OPCML: variants seen among roughly 807,000 people sequenced by gnomAD.
OPCML encodes the protein opioid-binding protein/cell adhesion molecule.
In OPCML, 13 loss-of-function variants were observed where a neutral mutation model predicts 37.8. The ratio of observed to expected loss-of-function variants is 0.34; its 90% CI spans 0.22 to 0.55. The LOEUF (loss-of-function observed/expected upper bound fraction) is 0.55. OPCML is among the 20% of genes least tolerant of loss of function. OPCML has a pLI of 0.91. For synonymous variants in OPCML, 176 were observed against 168.8 expected, an observed-to-expected ratio of 1.04 and a Z score of -0.33; for missense variants, 341 against 435.6, an observed-to-expected ratio of 0.78 and a Z score of 1.93.
At chr11:133,295,643 T>A (rs1433336945) in intron 1 of OPCML, among the ~76,000 whole-genome samples, 1 of 152,226 alleles carries the variant, frequency 6.6e-6, no homozygotes, top group Non-Finnish European at 1.5e-5. Flanking sequence ...GAATGGCCGC[T>A]CCCTAGACAG....
At chr11:132,423,893 G>A (rs1311591003) in intron 7 of OPCML, among the ~76,000 whole-genome samples, 1 of 152,144 alleles carries the variant, frequency 6.6e-6, no homozygotes, top group African/African-American at 2.4e-5. Context: ...AGCAGTGGTA[G>A]CACTGAAGCT....
At chr11:132,870,549 G>C (rs1942755914) in intron 2 of OPCML, among the ~76,000 whole-genome samples, 1 of 152,022 alleles carries the variant, frequency 6.6e-6, no homozygotes, top group Admixed American at 6.6e-5. Context: ...CCCATTTCTG[G>C]GTATATGTCC....
At chr11:132,988,643 T>C (rs1946722114) in intron 1 of OPCML, among the ~76,000 whole-genome samples, 1 of 152,180 alleles carries the variant, frequency 6.6e-6, no homozygotes, top group Non-Finnish European at 1.5e-5. Flanking sequence ...CAGCCTTCTC[T>C]CTAGTTCTGA....
intron 1 of OPCML, among the ~76,000 whole-genome samples, chr11:133,358,676 A>C (rs1053446860): frequency 6.6e-6 from 1 of 152,182 alleles, no homozygotes; most frequent in African/African-American, 2.4e-5. Context: ...CAAATTGGGC[A>C]GTGCTAGGGC....
chr11:133,205,329 T>C lies in OPCML; in HGVS notation c.62-262319A>G, dbSNP rs190601296. Among the ~76,000 whole-genome samples the C allele has an allele frequency of 2.6e-5, 4 of 152,244 alleles. No individual in the cohort carries two copies. The highest frequency in any genetic ancestry group is 7.2e-5 in the African/African-American group (3 of 41,544). On this transcript the variant is annotated intron_variant, in intron 1 of 7. Transcript: ENST00000524381. This position sits in a 1 kb window ranked among gnomAD's most constrained non-coding sequence, Gnocchi z 4.8. ...TCCCCGCTGCCTTGCCCCACACACCTCTTCCAGCCGGCTGCTCCCCTGTAT... is the reference window on the plus strand; with the variant it reads ...TCCCCGCTGCCTTGCCCCACACACCCCTTCCAGCCGGCTGCTCCCCTGTAT...
intron 3 of OPCML, among the ~76,000 whole-genome samples, chr11:132,553,939 C>T (rs775638247): frequency 2.0e-5 from 3 of 152,128 alleles, no homozygotes; most frequent in Non-Finnish European, 4.4e-5. Context: ...GCCAAAGCCT[C>T]CTTCCCTTCT....
intron 1 of OPCML, among the ~76,000 whole-genome samples, chr11:133,120,134 T>C (rs191198718): frequency 1.5e-3 from 234 of 152,312 alleles, no homozygotes; most frequent in African/African-American, 5.5e-3. Flanking sequence ...TCTCAGCCTC[T>C]GGGTCCCCAG....
intron 1 of OPCML, among the ~76,000 whole-genome samples, chr11:133,489,858 T>A (rs1591557430): frequency 6.9e-6 from 1 of 145,284 alleles, no homozygotes; most frequent in African/African-American, 2.7e-5. Flanking sequence ...ATATATTTTT[T>A]TATACATGCA....
intron 1 of OPCML, among the ~76,000 whole-genome samples, chr11:133,052,669 T>C (rs1030640312): frequency 5.9e-5 from 9 of 152,150 alleles, no homozygotes; most frequent in Admixed American, 5.2e-4. Flanking sequence ...ACACTGTGTG[T>C]CCTTGGGGAT....
chr11:133,204,834 G>A (rs966448210), intron 1 of OPCML, among the ~76,000 whole-genome samples: 1 of 133,692 alleles, frequency 7.5e-6, no homozygotes, highest in African/African-American at 2.7e-5. Context: ...ATTACTTTTT[G>A]TATTATTGTG....
chr11:132,802,694 G>T (rs1938738765), intron 2 of OPCML, among the ~76,000 whole-genome samples: 1 of 152,090 alleles, frequency 6.6e-6, no homozygotes, highest in Admixed American at 6.6e-5. Flanking sequence ...TTCAGTGAAG[G>T]GTCTATGTTC....
intron 1 of OPCML, among the ~76,000 whole-genome samples, chr11:133,199,189 C>T (rs1174526015): frequency 6.6e-6 from 1 of 152,082 alleles, no homozygotes; most frequent in African/African-American, 2.4e-5. Flanking sequence ...TCAGAACCAC[C>T]TATGCAGGAG....
chr11:132,774,154 A>G (rs137967122), intron 2 of OPCML, among the ~76,000 whole-genome samples: 1 of 152,254 alleles, frequency 6.6e-6, no homozygotes, highest in South Asian at 2.1e-4. Context: ...GTTAAGCTTC[A>G]TTGGGGTCCA....
chr11:133,238,415 T>C lies in OPCML; in HGVS notation c.61+293849A>G, dbSNP rs150566607. On this transcript the variant is annotated intron_variant, in intron 1 of 7. Transcript: ENST00000524381. ...CTGATAAATTTATGTTGATTACTTGTTATTACAATTATAATGTCTCAGCTC... is the reference window on the plus strand; with the variant it reads ...CTGATAAATTTATGTTGATTACTTGCTATTACAATTATAATGTCTCAGCTC... Among the ~76,000 whole-genome samples the C allele has an allele frequency of 2.1e-3, 313 of 152,374 alleles. 1 individual carries two copies. Among genetic ancestry groups the C allele is most frequent in the African/African-American group, 7.0e-3 (292 of 41,592 alleles).
intron 1 of OPCML, among the ~76,000 whole-genome samples, chr11:133,197,600 G>C (rs1483852740): frequency 6.6e-6 from 1 of 152,188 alleles, no homozygotes; most frequent in Non-Finnish European, 1.5e-5. Flanking sequence ...TCACAGGAGT[G>C]AGCCAGTCTT....
chr11:133,095,647 G>C (rs11223362), intron 1 of OPCML, among the ~76,000 whole-genome samples: 1 of 146,172 alleles, frequency 6.8e-6, no homozygotes. Flanking sequence ...ATTCTAATAA[G>C]AAAAGCCTAC....
At chr11:132,804,124 TAGA>T (rs1465334867) in intron 2 of OPCML, among the ~76,000 whole-genome samples, 1 of 152,138 alleles carries the variant, frequency 6.6e-6, no homozygotes, top group East Asian at 1.9e-4. Flanking sequence ...AAATGGCTGA[TAGA>T]AGGTGAGCCC....
intron 2 of OPCML, among the ~76,000 whole-genome samples, chr11:132,690,398 C>T (rs1943351025): frequency 6.6e-6 from 1 of 152,184 alleles, no homozygotes; most frequent in African/African-American, 2.4e-5. Context: ...GCTTATGCTG[C>T]TGGTATGGTG....
At chr11:132,982,902 G>C (rs1591877783) in intron 1 of OPCML, among the ~76,000 whole-genome samples, 1 of 152,128 alleles carries the variant, frequency 6.6e-6, no homozygotes, top group Non-Finnish European at 1.5e-5. Flanking sequence ...GAGCTTTCTT[G>C]GGTGGCTTGG....
Sources: allele counts gnomAD v4.1 joint callset (sites outside exome capture counted in the v4.1 genomes callset), GRCh38; gene constraint gnomAD v4.1.1; non-coding constraint Gnocchi (gnomAD v3.1); transcripts MANE v1.5; gene names NCBI Gene and HGNC (gene_info 2026-07-23, HGNC 2026-07-21).